Variants in RNF20 observed in about 807,000 individuals in gnomAD.
The protein encoded by RNF20 is ring finger protein 20.
A neutral mutation model predicts 126.2 loss-of-function variants in RNF20; 84 were observed. The observed-to-expected ratio is 0.67, with a 90% CI of 0.56 to 0.80. The LOEUF (loss-of-function observed/expected upper bound fraction) is 0.80. Ranked by LOEUF, RNF20 falls within the 30% of genes least tolerant of loss-of-function variation. The pLI is 0.00. For synonymous variants in RNF20, 400 were observed against 414.3 expected (o/e 0.97, Z 0.42); for missense variants, 869 against 1,188.2 (o/e 0.73, Z 3.95).
At chr9:101,559,692 G>A (rs1331115915) in intron 16 of RNF20, among the ~76,000 whole-genome samples, 1 of 152,070 alleles carries the variant, frequency 6.6e-6, no homozygotes, top group Non-Finnish European at 1.5e-5. Context: ...TTCTTGATAT[G>A]ATTCTCAGTT....
chr9:101,562,181 A>G (rs920085381), intron 19 of RNF20, 65 bp from the exon 20 acceptor site: 1 of 1,532,464 alleles, frequency 6.5e-7, no homozygotes, highest in Non-Finnish European at 8.9e-7. Context: ...GTTGTGTAGT[A>G]TATGAGAGCC....
At chr9:101,551,991 G>T in intron 11 of RNF20, 150 bp from the exon 12 acceptor site, 1 of 1,281,038 alleles carries the variant, frequency 7.8e-7, no homozygotes, top group Non-Finnish European at 1.1e-6. Context: ...AACTCAAGTT[G>T]ACCAGTTTTG....
intron 2 of RNF20, among the ~76,000 whole-genome samples, chr9:101,536,727 G>A (rs1328511138): frequency 6.6e-6 from 1 of 152,136 alleles, no homozygotes; most frequent in African/African-American, 2.4e-5. Flanking sequence ...GGTATGTGCT[G>A]TTGACAGGGA....
intron 5 of RNF20, 25 bp downstream of exon 5, chr9:101,541,000 G>A (rs1348946436): frequency 2.5e-6 from 4 of 1,589,904 alleles, no homozygotes; most frequent in Non-Finnish European, 3.4e-6. Context: ...TGGAGGCCGG[G>A]AGTAGTGGAG....
intron 2 of RNF20, among the ~76,000 whole-genome samples, chr9:101,536,930 T>C (rs1033544969): frequency 5.9e-5 from 9 of 152,224 alleles, no homozygotes; most frequent in African/African-American, 1.7e-4. Flanking sequence ...TCTTACTCTC[T>C]TTCGCTATAA....
Position 101,543,444 on chromosome 9 carries a change from C to T in RNF20, c.629-1323C>T, listed in dbSNP as rs536879765. On this transcript the variant is annotated intron_variant, in intron 5 of 19. Transcript: ENST00000389120. ...GCGGCACTGTCTAACTCTGCCAGGG[C>T]GGCACTGTCTAACCTGCCAAGGCAG... Among the ~76,000 whole-genome samples, 169 of 149,068 alleles carry T rather than the reference C, an allele frequency of 1.1e-3. 1 individual carries two copies. Among genetic ancestry groups the T allele is most frequent in the African/African-American group, 3.9e-3 (156 of 40,332 alleles).
In RNF20 at chr9:101,540,986, A is replaced by T; in HGVS notation, c.628+11A>T. The stretch of plus-strand genomic sequence containing the variant: ...AGCTAAACAGTGGAGGTGAGGCAAG[A>T]CCCTGGAGGCCGGGAGTAGTGGAGG... On this transcript the variant is annotated intron_variant, in intron 5 of 19. Coordinates refer to ENST00000389120, the MANE Select transcript of RNF20 (RefSeq NM_019592.7). 2 of 1,609,934 alleles carry T rather than the reference A, an allele frequency of 1.2e-6. No individual in the cohort carries two copies. The highest frequency in any genetic ancestry group is 1.7e-5 in the Admixed American group (1 of 59,946).
At chr9:101,546,514 T>G (rs1180017683) in intron 6 of RNF20, among the ~76,000 whole-genome samples, 2 of 152,148 alleles carry the variant, frequency 1.3e-5, no homozygotes, top group African/African-American at 2.4e-5. Context: ...ATTACAAAAT[T>G]TTTATGAGTT....
chr9:101,534,286 T>G (rs1239685374), intron 1 of RNF20: 1 of 152,154 alleles, frequency 6.6e-6, no homozygotes, highest in Non-Finnish European at 1.5e-5. Context: ...CCGCCTCCTT[T>G]GAGCACCCTG....
chr9:101,560,681 ATCAG>A, intron 16 of RNF20, 116 bp from the exon 17 acceptor site: 1 of 958,318 alleles, frequency 1.0e-6, no homozygotes, highest in Non-Finnish European at 1.5e-6. Flanking sequence ...CATGGGCAAA[ATCAG>A]TAATAGTTTG....
At chr9:101,553,904 T>C (rs1827488266) in intron 13 of RNF20, 84 bp from the exon 14 acceptor site, 1 of 733,350 alleles carries the variant, frequency 1.4e-6, no homozygotes, top group Non-Finnish European at 2.3e-6. Context: ...TTTTAAAATA[T>C]TCTGCTCAAT....
At chr9:101,538,016 C>A (rs779663309) in intron 2 of RNF20, among the ~76,000 whole-genome samples, 2 of 151,984 alleles carry the variant, frequency 1.3e-5, no homozygotes, top group Non-Finnish European at 2.9e-5. Context: ...AATTTAAGTT[C>A]AGTAAAGAAG....
At chr9:101,540,686 A>G in intron 4 of RNF20, 49 bp downstream of exon 4, 1 of 1,606,988 alleles carries the variant, frequency 6.2e-7, no homozygotes, top group Non-Finnish European at 8.5e-7. Context: ...TGGGTTTTTA[A>G]AGTAGAGCTC....
At position 101,552,818 on chromosome 9, in the gene RNF20, A is replaced by G. The variant is rs560145038; in HGVS notation, c.1901+65A>G. The G allele has an allele frequency of 1.9e-5, 28 of 1,452,966 alleles. No individual in the cohort carries two copies. In the East Asian group the frequency reaches 6.2e-4, roughly 32 times the overall value. The allele number at this position is 1,452,966 out of a possible 1,614,324, so 90.0% of individuals were successfully genotyped here. A position where few individuals can be genotyped will look rare whatever the true frequency, so the allele number is the denominator to read the frequency against. Reference sequence around the variant, plus strand: ...CTAAGATTAAGACATCATGCATGAAATGTTTGGTTGATGGCATGGCTTGTC... The same window carrying G: ...CTAAGATTAAGACATCATGCATGAAGTGTTTGGTTGATGGCATGGCTTGTC... On this transcript the variant is annotated intron_variant, in intron 13 of 19. Coordinates refer to ENST00000389120, the MANE Select transcript of RNF20 (RefSeq NM_019592.7).
At position 101,533,899 on chromosome 9, in the gene RNF20, C is replaced by G. The variant is rs571500413; in HGVS notation, c.-42C>G. The G allele has an allele frequency of 2.0e-5, 3 of 152,364 alleles. No individual in the cohort carries two copies. The highest frequency in any genetic ancestry group is 2.9e-5 in the Non-Finnish European group (2 of 68,178). 9.4% of individuals were successfully genotyped at this position (152,364 alleles called of 1,614,324 possible). Reference sequence around the variant, plus strand: ...GCGGGTCAGGGGTGAGAGCTGGAATCTCTGCACGGGCCTTGGTGAGTAACT... The same window carrying G: ...GCGGGTCAGGGGTGAGAGCTGGAATGTCTGCACGGGCCTTGGTGAGTAACT... On this transcript the variant is annotated 5_prime_UTR_variant, in exon 1 of 20. The change creates a new upstream start codon in the 5' untranslated region. Transcript: ENST00000389120.
intron 15 of RNF20, 105 bp from the exon 16 acceptor site, chr9:101,557,279 A>G: frequency 3.8e-6 from 3 of 785,410 alleles, no homozygotes; most frequent in Non-Finnish European, 6.1e-6. Flanking sequence ...TCTGTCACTA[A>G]ATTAATTTAT....
intron 19 of RNF20, 58 bp from the exon 20 acceptor site, chr9:101,562,188 A>G: frequency 6.4e-7 from 1 of 1,551,852 alleles, no homozygotes; most frequent in Non-Finnish European, 8.8e-7. Flanking sequence ...AGTATATGAG[A>G]GCCATTTGGA....
chr9:101,558,936 G>T (rs137917591), intron 16 of RNF20, among the ~76,000 whole-genome samples: 1 of 151,818 alleles, frequency 6.6e-6, no homozygotes, highest in Non-Finnish European at 1.5e-5. Flanking sequence ...TTCTTTTGTT[G>T]CATTTGCTTT....
intron 5 of RNF20, among the ~76,000 whole-genome samples, chr9:101,543,519 A>G (rs934883923): frequency 2.1e-5 from 3 of 140,158 alleles, no homozygotes; most frequent in African/African-American, 8.3e-5. Context: ...CCACTGCAGT[A>G]CTGTCCAACC....
Sources: allele counts gnomAD v4.1 joint callset (sites outside exome capture counted in the v4.1 genomes callset), GRCh38; gene constraint gnomAD v4.1.1; transcripts MANE v1.5; gene names NCBI Gene and HGNC (gene_info 2026-07-23, HGNC 2026-07-21).